The following ASCC3 variants were observed in gnomAD, a reference collection of about 807,000 sequenced individuals.
The protein encoded by ASCC3 is activating signal cointegrator 1 complex subunit 3.
Under a neutral mutation model 256.3 loss-of-function variants are expected in ASCC3, and 158 were observed. That is an observed-to-expected ratio of 0.62 (90% CI 0.54 to 0.70). ASCC3 has a LOEUF of 0.70. ASCC3 is among the 30% of genes least tolerant of loss of function. The probability of loss-of-function intolerance (pLI) is 0.00; values close to 1 mark genes in which losing one functional copy is unlikely to be tolerated. For missense variants in ASCC3, 2,259 were observed against 2,626.0 expected (o/e 0.86, Z 3.05); for synonymous variants, 948 against 883.4 (o/e 1.07, Z -1.30).
intron 4 of ASCC3, among the ~76,000 whole-genome samples, chr6:100,843,093 T>A (rs1169448354): frequency 2.0e-5 from 3 of 152,094 alleles, no homozygotes; most frequent in Non-Finnish European, 4.4e-5. Flanking sequence ...TTCAATAACA[T>A]AAAGAAAAAT....
intron 36 of ASCC3, among the ~76,000 whole-genome samples, chr6:100,572,919 A>C (rs1361762086): frequency 6.6e-6 from 1 of 152,166 alleles, no homozygotes; most frequent in Non-Finnish European, 1.5e-5. Flanking sequence ...TCAATGCTTT[A>C]AAATTTTTTT....
intron 8 of ASCC3, among the ~76,000 whole-genome samples, chr6:100,792,716 T>C (rs780867293): frequency 2.6e-5 from 4 of 151,978 alleles, no homozygotes; most frequent in Non-Finnish European, 4.4e-5. Context: ...TTTCCTCCAA[T>C]GTTGTTTTAT....
intron 30 of ASCC3, among the ~76,000 whole-genome samples, chr6:100,618,818 C>G (rs1043118587): frequency 6.6e-6 from 1 of 152,192 alleles, no homozygotes; most frequent in African/African-American, 2.4e-5. Flanking sequence ...TCCTACCAAA[C>G]ATGGTTCTGC....
intron 11 of ASCC3, among the ~76,000 whole-genome samples, chr6:100,722,451 T>A (rs374006712): frequency 1.3e-5 from 2 of 151,708 alleles, no homozygotes; most frequent in African/African-American, 4.8e-5. Flanking sequence ...AAAATAATAG[T>A]TGAAATTGAA....
chr6:100,747,236 A>G (rs1780723932), intron 10 of ASCC3, among the ~76,000 whole-genome samples: 1 of 152,104 alleles, frequency 6.6e-6, no homozygotes, highest in African/African-American at 2.4e-5. Context: ...GAATAACTAA[A>G]ATTACAAAGA....
At chr6:100,786,829 CATA>C (rs1416260052) in intron 8 of ASCC3, among the ~76,000 whole-genome samples, 1 of 152,104 alleles carries the variant, frequency 6.6e-6, no homozygotes, top group Non-Finnish European at 1.5e-5. Context: ...ATACCAGAGG[CATA>C]CTTATACATA....
chr6:100,788,351 C>T (rs1769189637), intron 8 of ASCC3, among the ~76,000 whole-genome samples: 1 of 151,800 alleles, frequency 6.6e-6, no homozygotes, highest in Non-Finnish European at 1.5e-5. Context: ...AAGTGGAATA[C>T]TCATACATTG....
At chr6:100,643,702 A>G (rs1013014427) in intron 23 of ASCC3, among the ~76,000 whole-genome samples, 1 of 152,168 alleles carries the variant, frequency 6.6e-6, no homozygotes, top group East Asian at 1.9e-4. Context: ...CTATCTACAC[A>G]TATTTAAACC....
At chr6:100,671,393 C>A (rs1776736031) in intron 14 of ASCC3, among the ~76,000 whole-genome samples, 1 of 152,064 alleles carries the variant, frequency 6.6e-6, no homozygotes, top group South Asian at 2.1e-4. Flanking sequence ...ATCTTGTTCA[C>A]ATTTTGTGAA....
intron 10 of ASCC3, among the ~76,000 whole-genome samples, chr6:100,732,848 T>C (rs1779971468): frequency 6.6e-6 from 1 of 151,882 alleles, no homozygotes; most frequent in South Asian, 2.1e-4. Context: ...ATTACTAATA[T>C]AGCACCAGTA....
At chr6:100,816,925 A>G (rs570569585) in intron 4 of ASCC3, among the ~76,000 whole-genome samples, 2,470 of 152,102 alleles carry the variant, frequency 0.016, 73 homozygotes, top group African/African-American at 0.056. Context: ...GAAATATAAA[A>G]AAAGTTTTAA....
At chr6:100,737,824 A>T (rs1396864520) in intron 10 of ASCC3, among the ~76,000 whole-genome samples, 2 of 152,208 alleles carry the variant, frequency 1.3e-5, no homozygotes, top group Non-Finnish European at 2.9e-5. Context: ...ACAATGGTTA[A>T]ACTAATTTAC....
At chr6:100,545,810 T>C (rs1461028692) in intron 36 of ASCC3, among the ~76,000 whole-genome samples, 1 of 152,190 alleles carries the variant, frequency 6.6e-6, no homozygotes, top group Non-Finnish European at 1.5e-5. Context: ...TCAAACTCCT[T>C]GCCTCAAGCA....
At chr6:100,589,493 A>T in intron 36 of ASCC3, 141 bp downstream of exon 36, 1 of 905,966 alleles carries the variant, frequency 1.1e-6, no homozygotes, top group Non-Finnish European at 1.7e-6. Context: ...ATCTTAGTCT[A>T]GATGTGTTGC....
At chr6:100,782,070 T>C (rs1782474938) in intron 8 of ASCC3, among the ~76,000 whole-genome samples, 1 of 152,132 alleles carries the variant, frequency 6.6e-6, no homozygotes, top group Non-Finnish European at 1.5e-5. Context: ...CCAGGCTTAT[T>C]TGTTTGTTTG....
chr6:100,665,585 A>AAAC (rs1562210400), intron 14 of ASCC3, among the ~76,000 whole-genome samples: 2 of 148,106 alleles, frequency 1.4e-5, no homozygotes, highest in African/African-American at 2.6e-5. Flanking sequence ...AACAAACAAA[A>AAAC]AAAAAATAGC....
At chr6:100,607,208 G>T in intron 30 of ASCC3, 120 bp from the exon 31 acceptor site, 1 of 1,029,040 alleles carries the variant, frequency 9.7e-7, no homozygotes, top group Non-Finnish European at 1.5e-6. Context: ...TAAAATATAA[G>T]TCCTATATAC....
chr6:100,791,248 G>T (rs765283923), intron 8 of ASCC3, among the ~76,000 whole-genome samples: 1 of 151,876 alleles, frequency 6.6e-6, no homozygotes, highest in East Asian at 1.9e-4. Flanking sequence ...TTACTTTCAA[G>T]AATAAACTGA....
chr6:100,593,532 T>C (rs146759442), intron 34 of ASCC3, among the ~76,000 whole-genome samples: 2 of 152,276 alleles, frequency 1.3e-5, no homozygotes, highest in African/African-American at 4.8e-5. Flanking sequence ...TTTATATTAA[T>C]GTAAAACATA....
Sources: allele counts gnomAD v4.1 joint callset (sites outside exome capture counted in the v4.1 genomes callset), GRCh38; gene constraint gnomAD v4.1.1; transcripts MANE v1.5; gene names NCBI Gene and HGNC (gene_info 2026-07-23, HGNC 2026-07-21).